Variants in WASHC5 observed in about 807,000 individuals in gnomAD.
WASHC5 encodes WASH complex subunit 5.
A neutral mutation model predicts 150.4 loss-of-function variants in WASHC5; 101 were observed. That is an observed-to-expected ratio of 0.67 (90% CI 0.57 to 0.79). WASHC5 has a LOEUF of 0.79. WASHC5 is among the 30% of genes least tolerant of loss of function. WASHC5 has a pLI of 0.00. For missense variants in WASHC5, 1,195 were observed against 1,396.3 expected (o/e 0.86, Z 2.30); for synonymous variants, 467 against 491.2 (o/e 0.95, Z 0.65).
chr8:125,033,402 T>C (rs1412469628), intron 26 of WASHC5, among the ~76,000 whole-genome samples: 2 of 152,158 alleles, frequency 1.3e-5, no homozygotes, highest in African/African-American at 4.8e-5. Context: ...GATAGTCTTA[T>C]GGGGGAACGA....
At chr8:125,032,128 G>T (rs112195111) in intron 27 of WASHC5, 113 bp downstream of exon 27, 12 of 1,248,048 alleles carry the variant, frequency 9.6e-6, no homozygotes, top group Non-Finnish European at 1.3e-5. Context: ...ACAGAGAAGG[G>T]TGAGCAACCA....
At chr8:125,079,803 C>T (rs77203572) in intron 5 of WASHC5, among the ~76,000 whole-genome samples, 1 of 152,026 alleles carries the variant, frequency 6.6e-6, no homozygotes, top group East Asian at 1.9e-4. Context: ...ATGATTTCAG[C>T]TTACATCAGG....
At chr8:125,035,852 C>T (rs1157266031) in intron 26 of WASHC5, among the ~76,000 whole-genome samples, 2 of 152,190 alleles carry the variant, frequency 1.3e-5, no homozygotes, top group African/African-American at 4.8e-5. Flanking sequence ...TTAGGAATCT[C>T]TAGTTAAGAA....
At position 125,067,671 on chromosome 8, in the gene WASHC5, A is replaced by G. The variant is rs376137431; in HGVS notation, c.1199T>C (p.Leu400Pro). 1.9e-6 allele frequency: 3 copies of G among 1,613,806 alleles called. No individual in the cohort carries two copies. Among genetic ancestry groups the G allele is most frequent in the Non-Finnish European group, 1.7e-6 (2 of 1,179,816 alleles). The change falls in exon 10 of 29, where the codon CTA becomes CCA. Residue 400 changes from leucine (L) to proline (P), a missense_variant. Leu to Pro is a moderately conservative substitution (Grantham distance 98). Transcript: ENST00000318410. The stretch of plus-strand genomic sequence containing the variant: ...CCTGGGATTGTACCGAGAGTCTGTT[A>G]GAATCTGGTCCTTGATTTGACGAAG... ...KRLRQIKDQI[L>P]TDSRYNPRIL...
chr8:125,054,040 G>T (rs140994756), intron 17 of WASHC5, among the ~76,000 whole-genome samples: 1 of 152,096 alleles, frequency 6.6e-6, no homozygotes, highest in Non-Finnish European at 1.5e-5. Flanking sequence ...AATACACCAC[G>T]GTGCATTCGT....
At chr8:125,040,558 A>G (rs10095627) in intron 23 of WASHC5, 16,919 of 154,088 alleles carry the variant, frequency 0.11, 2,198 homozygotes, top group African/African-American at 0.31. Flanking sequence ...CCCATGTGTC[A>G]TGGGAGGGAC....
At chr8:125,068,039 C>T (rs1816799322) in intron 9 of WASHC5, among the ~76,000 whole-genome samples, 1 of 152,190 alleles carries the variant, frequency 6.6e-6, no homozygotes, top group South Asian at 2.1e-4. Context: ...ATGGGCAGAG[C>T]CTCCTTGTAC....
chr8:125,075,180 G>T, intron 7 of WASHC5, 69 bp from the exon 8 acceptor site: 11 of 967,632 alleles, frequency 1.1e-5, no homozygotes, highest in Non-Finnish European at 1.7e-5. Flanking sequence ...GAATACTAAA[G>T]TTATAGAAGG....
At chr8:125,086,324 A>C (rs1489070314) in intron 1 of WASHC5, among the ~76,000 whole-genome samples, 2 of 152,050 alleles carry the variant, frequency 1.3e-5, no homozygotes, top group Non-Finnish European at 2.9e-5. Flanking sequence ...CTTTGTATAG[A>C]GATGGGAGTC....
chr8:125,079,118 A>G (rs1483581161), intron 5 of WASHC5, among the ~76,000 whole-genome samples, 188 bp from the exon 6 acceptor site: 9 of 101,672 alleles, frequency 8.9e-5, no homozygotes, highest in South Asian at 3.2e-4. Context: ...GTGTGTGTGT[A>G]TATATATATA....
chr8:125,040,837 TATG>T (rs1815863041), intron 23 of WASHC5: 1 of 152,302 alleles, frequency 6.6e-6, no homozygotes, highest in East Asian at 1.9e-4. Flanking sequence ...ATGTCTTTAT[TATG>T]TGAGAATTGA....
chr8:125,047,127 AG>A, intron 20 of WASHC5, 79 bp downstream of exon 20: 1 of 1,546,182 alleles, frequency 6.5e-7, no homozygotes, highest in Non-Finnish European at 8.9e-7. Context: ...TGACTGGAAT[AG>A]GGGCTGTGCC....
At chr8:125,037,407 A>G (rs1315744159) in intron 25 of WASHC5, 74 bp from the exon 26 acceptor site, 3 of 931,524 alleles carry the variant, frequency 3.2e-6, no homozygotes, top group Non-Finnish European at 5.3e-6. Context: ...TTTCCAAATG[A>G]AAATCTTCCA....
At chr8:125,075,799 C>G (rs1259624005) in intron 7 of WASHC5, among the ~76,000 whole-genome samples, 2 of 152,180 alleles carry the variant, frequency 1.3e-5, no homozygotes, top group African/African-American at 4.8e-5. Flanking sequence ...TTTGTTAAAG[C>G]CTCTTTGTTT....
intron 9 of WASHC5, among the ~76,000 whole-genome samples, chr8:125,069,883 TCTC>T (rs1224391576): frequency 2.0e-5 from 3 of 152,192 alleles, no homozygotes; most frequent in African/African-American, 7.2e-5. Flanking sequence ...AAACTAGAAA[TCTC>T]CTGATTTTAA....
intron 5 of WASHC5, among the ~76,000 whole-genome samples, chr8:125,081,236 CTT>C (rs35035456): frequency 4.4e-4 from 57 of 129,118 alleles, no homozygotes; most frequent in African/African-American, 1.4e-3. Flanking sequence ...AAGAATCTTA[CTT>C]TTTTTTTTTT....
chr8:125,042,775 T>C (rs1376747727), intron 23 of WASHC5, among the ~76,000 whole-genome samples: 1 of 152,136 alleles, frequency 6.6e-6, no homozygotes, highest in Non-Finnish European at 1.5e-5. Context: ...ATCATGAGGC[T>C]AGGGGAAGGC....
chr8:125,056,338 C>A (rs1022463826), intron 16 of WASHC5, among the ~76,000 whole-genome samples: 2 of 152,146 alleles, frequency 1.3e-5, no homozygotes, highest in African/African-American at 2.4e-5. Context: ...TTATTTTGAG[C>A]TGCTCAAAAA....
chr8:125,080,622 T>A lies in WASHC5; in HGVS notation c.518+1039A>T, dbSNP rs142307685. Among the ~76,000 whole-genome samples the A allele has an allele frequency of 1.6e-3, 237 of 152,364 alleles. 1 individual carries two copies. Among genetic ancestry groups the A allele is most frequent in the African/African-American group, 5.4e-3 (224 of 41,582 alleles). ...GCTCAAGCTCCTGACTCCTCCTTCT[T>A]GACAGTTTCTTCTCTGAATCTTGAC... On this transcript the variant is annotated intron_variant, in intron 5 of 28. Transcript: ENST00000318410.
Sources: allele counts gnomAD v4.1 joint callset (sites outside exome capture counted in the v4.1 genomes callset), GRCh38; gene constraint gnomAD v4.1.1; transcripts MANE v1.5; gene names NCBI Gene and HGNC (gene_info 2026-07-23, HGNC 2026-07-21).